Variants in ADAD1 observed in about 807,000 individuals in gnomAD.
The protein encoded by ADAD1 is adenosine deaminase domain containing 1.
In ADAD1, 46 loss-of-function variants were observed where a neutral mutation model predicts 66.8. That is an observed-to-expected ratio of 0.69 (90% CI 0.54 to 0.88). The LOEUF is 0.88. Ranked by LOEUF, ADAD1 falls within the 40% of genes least tolerant of loss-of-function variation. The pLI, the probability that ADAD1 is intolerant of heterozygous loss-of-function variation, is 0.00. For synonymous variants in ADAD1, 248 were observed against 229.4 expected, an observed-to-expected ratio of 1.08 and a Z score of -0.73; for missense variants, 617 against 681.8, an observed-to-expected ratio of 0.91 and a Z score of 1.06.
At chr4:122,428,898 T>C (rs1797383240) in intron 12 of ADAD1, among the ~76,000 whole-genome samples, 1 of 152,126 alleles carries the variant, frequency 6.6e-6, no homozygotes, top group Non-Finnish European at 1.5e-5. Context: ...AATTTCATGG[T>C]ATGTAAATTG....
intron 12 of ADAD1, among the ~76,000 whole-genome samples, chr4:122,422,927 G>C (rs1158376211): frequency 6.8e-6 from 1 of 146,822 alleles, no homozygotes; most frequent in Non-Finnish European, 1.5e-5. Flanking sequence ...ACTTCAGCCT[G>C]GGGGACAGAG....
chr4:122,427,262 C>T (rs764194296), intron 12 of ADAD1, among the ~76,000 whole-genome samples: 3 of 152,064 alleles, frequency 2.0e-5, no homozygotes, highest in African/African-American at 4.8e-5. Flanking sequence ...TGTGTGTGTT[C>T]GTGTGTAAAC....
chr4:122,414,419 G>A (rs888047362), intron 10 of ADAD1, among the ~76,000 whole-genome samples: 4 of 151,148 alleles, frequency 2.6e-5, no homozygotes, highest in African/African-American at 9.7e-5. Flanking sequence ...TTTATTCTGT[G>A]CCCAAGTATA....
intron 7 of ADAD1, among the ~76,000 whole-genome samples, chr4:122,403,197 G>A (rs1379735748): frequency 1.3e-5 from 2 of 152,070 alleles, no homozygotes; most frequent in Non-Finnish European, 2.9e-5. Flanking sequence ...TTGATGTGGT[G>A]CTCTCCCCCT....
chr4:122,411,150 TG>T, intron 8 of ADAD1, 71 bp from the exon 9 acceptor site: 1 of 1,224,340 alleles, frequency 8.2e-7, no homozygotes, highest in Non-Finnish European at 1.1e-6. Context: ...CTGACACATG[TG>T]GACATGATGC....
intron 8 of ADAD1, among the ~76,000 whole-genome samples, chr4:122,410,782 A>C (rs78319592): frequency 6.6e-6 from 1 of 152,292 alleles, no homozygotes; most frequent in East Asian, 1.9e-4. Flanking sequence ...TAAAACCATT[A>C]AGGAGCAGGG....
At chr4:122,379,981 G>C in intron 2 of ADAD1, 81 bp from the exon 3 acceptor site, 1 of 1,356,850 alleles carries the variant, frequency 7.4e-7, no homozygotes, top group Non-Finnish European at 1.0e-6. Context: ...GGAAATAATG[G>C]GGGGGTGGGG....
intron 7 of ADAD1, among the ~76,000 whole-genome samples, chr4:122,405,198 C>T (rs1206819732): frequency 6.6e-6 from 1 of 152,188 alleles, no homozygotes; most frequent in East Asian, 1.9e-4. Context: ...GAGTCTGTGC[C>T]CAGGTGTCCA....
At chr4:122,383,334 C>T (rs1320684467) in intron 4 of ADAD1, among the ~76,000 whole-genome samples, 1 of 152,084 alleles carries the variant, frequency 6.6e-6, no homozygotes, top group Non-Finnish European at 1.5e-5. Context: ...TATTCTGGAG[C>T]TTAAAAGTAT....
chr4:122,409,825 G>C (rs532820964), intron 8 of ADAD1, among the ~76,000 whole-genome samples: 62 of 152,052 alleles, frequency 4.1e-4, no homozygotes, highest in Admixed American at 1.3e-3. Context: ...TCAGCCTCCC[G>C]AGTAGCTGGG....
intron 9 of ADAD1, among the ~76,000 whole-genome samples, chr4:122,412,225 T>C (rs1049447594): frequency 1.3e-5 from 2 of 152,178 alleles, no homozygotes; most frequent in African/African-American, 2.4e-5. Flanking sequence ...TTTTCCTTTT[T>C]TTCATTCTTT....
chr4:122,422,426 A>T (rs1274899748), intron 12 of ADAD1, among the ~76,000 whole-genome samples: 1 of 152,184 alleles, frequency 6.6e-6, no homozygotes, highest in African/African-American at 2.4e-5. Flanking sequence ...TGCCTGGCTG[A>T]CATGAACATA....
chr4:122,413,851 CATATATATATATAT>C (rs377322878), intron 10 of ADAD1, among the ~76,000 whole-genome samples: 20 of 126,604 alleles, frequency 1.6e-4, no homozygotes, highest in African/African-American at 4.9e-4. Context: ...TATGATAGAT[CATATATATATATAT>C]ATATATATAT....
chr4:122,381,040 A>C lies in ADAD1; in HGVS notation c.221A>C (p.Asn74Thr). The change falls in exon 4 of 13, where the codon AAT (asparagine) becomes ACT (threonine). Residue 74 changes from asparagine to threonine, a missense_variant. Transcript: ENST00000296513. ...LLSKNLSSIS[N>T]PVLPPKKIPK... The stretch of plus-strand genomic sequence containing the variant: ...TCCAAGAATCTTTCATCTATTTCAA[A>C]TCCTGTCCTTCCTCCAAAAAAAATA... 1 of 1,599,936 alleles carries C rather than the reference A, an allele frequency of 6.3e-7. No individual in the cohort carries two copies. The highest frequency in any genetic ancestry group is 8.5e-7 in the Non-Finnish European group (1 of 1,177,116).
At chr4:122,400,645 G>T (rs1795931035) in intron 7 of ADAD1, among the ~76,000 whole-genome samples, 1 of 151,872 alleles carries the variant, frequency 6.6e-6, no homozygotes, top group Non-Finnish European at 1.5e-5. Context: ...GAACTTTTTT[G>T]TTGGGATTTT....
chr4:122,385,885 T>C (rs899507295), intron 5 of ADAD1, among the ~76,000 whole-genome samples: 43 of 152,336 alleles, frequency 2.8e-4, no homozygotes, highest in Admixed American at 2.6e-3. Context: ...TTCCTTTTTA[T>C]GGCCGCATAG....
chr4:122,403,784 G>A (rs1580773265), intron 7 of ADAD1, among the ~76,000 whole-genome samples: 1 of 152,290 alleles, frequency 6.6e-6, no homozygotes, highest in East Asian at 1.9e-4. Flanking sequence ...ACCAGCATAG[G>A]TTGAGAAAAA....
intron 12 of ADAD1, among the ~76,000 whole-genome samples, chr4:122,429,386 C>A (rs999050052): frequency 1.3e-5 from 2 of 150,888 alleles, no homozygotes; most frequent in African/African-American, 4.9e-5. Context: ...TGCCACCATA[C>A]TCCAACCTGC....
intron 5 of ADAD1, among the ~76,000 whole-genome samples, chr4:122,392,634 T>G (rs1466487625): frequency 3.3e-5 from 5 of 152,174 alleles, no homozygotes; most frequent in Non-Finnish European, 7.4e-5. Flanking sequence ...ATCCATACTC[T>G]AAACCTCAGC....
Sources: allele counts gnomAD v4.1 joint callset (sites outside exome capture counted in the v4.1 genomes callset), GRCh38; gene constraint gnomAD v4.1.1; transcripts MANE v1.5; gene names NCBI Gene and HGNC (gene_info 2026-07-23, HGNC 2026-07-21).